NEGR1: variants seen among roughly 807,000 people sequenced by gnomAD.
NEGR1 encodes IgLON family member 4.
NEGR1 carries 10 observed loss-of-function variants against 40.9 expected under a neutral mutation model. The ratio of observed to expected loss-of-function variants is 0.24; its 90% CI spans 0.15 to 0.42. NEGR1 has a LOEUF of 0.42. Ranked by LOEUF, NEGR1 falls within the 10% of genes least tolerant of loss-of-function variation. NEGR1 has a pLI of 1.00. For synonymous variants in NEGR1, 185 were observed against 166.8 expected, an observed-to-expected ratio of 1.11 and a Z score of -0.84; for missense variants, 352 against 438.9, an observed-to-expected ratio of 0.80 and a Z score of 1.77.
At chr1:71,534,349 T>G (rs1045232598) in intron 6 of NEGR1, among the ~76,000 whole-genome samples, 5 of 151,608 alleles carry the variant, frequency 3.3e-5, no homozygotes, top group African/African-American at 1.2e-4. Flanking sequence ...AAAAGACATC[T>G]TTTGTGGGTA....
intron 2 of NEGR1, among the ~76,000 whole-genome samples, chr1:71,875,792 GC>G (rs1660410721): frequency 6.6e-6 from 1 of 152,050 alleles, no homozygotes; most frequent in South Asian, 2.1e-4. Flanking sequence ...AAATATCCAA[GC>G]TAACTAGGAT....
intron 1 of NEGR1, among the ~76,000 whole-genome samples, chr1:72,231,600 ATTAAT>A (rs1158529719): frequency 1.3e-5 from 2 of 152,160 alleles, no homozygotes; most frequent in Non-Finnish European, 2.9e-5. Flanking sequence ...TTGACATGTG[ATTAAT>A]TTATCATTAT....
chr1:72,046,869 C>G (rs944357705), intron 1 of NEGR1, among the ~76,000 whole-genome samples: 1 of 151,540 alleles, frequency 6.6e-6, no homozygotes, highest in Non-Finnish European at 1.5e-5. Flanking sequence ...AGGTCTACAA[C>G]AAGAAACAAA....
chr1:71,921,699 C>T (rs1437705263), intron 2 of NEGR1, among the ~76,000 whole-genome samples: 1 of 92,978 alleles, frequency 1.1e-5, no homozygotes, highest in Admixed American at 1.4e-4. Context: ...AGATACAGTA[C>T]AAGAATATAT....
chr1:71,870,373 T>C (rs1186029051), intron 2 of NEGR1, among the ~76,000 whole-genome samples: 2 of 152,124 alleles, frequency 1.3e-5, no homozygotes, highest in Non-Finnish European at 2.9e-5. Flanking sequence ...CATAATTACG[T>C]TAGGGTATGC....
intron 2 of NEGR1, among the ~76,000 whole-genome samples, chr1:71,932,120 A>G (rs558862977): frequency 1.3e-5 from 2 of 152,290 alleles, no homozygotes; most frequent in East Asian, 3.9e-4. Flanking sequence ...GAAAAAATAT[A>G]AAGAGAAATG....
At chr1:72,039,017 A>C (rs17580143) in intron 1 of NEGR1, among the ~76,000 whole-genome samples, 14,434 of 152,014 alleles carry the variant, frequency 0.095, 768 homozygotes, top group Middle Eastern at 0.18. Context: ...GGGCAGTAGA[A>C]GCTGACTTGG....
At chr1:71,646,925 A>T (rs1233919066) in intron 4 of NEGR1, among the ~76,000 whole-genome samples, 4 of 151,260 alleles carry the variant, frequency 2.6e-5, no homozygotes, top group African/African-American at 9.8e-5. Flanking sequence ...ATTATTATTT[A>T]AGAAACAGAC....
intron 1 of NEGR1, among the ~76,000 whole-genome samples, chr1:72,180,891 G>A (rs1237768552): frequency 6.6e-6 from 1 of 152,066 alleles, no homozygotes; most frequent in African/African-American, 2.4e-5. Flanking sequence ...CCTTGCAGCA[G>A]TTAGTTTGGG....
chr1:71,942,886 C>T (rs533702616), intron 1 of NEGR1, among the ~76,000 whole-genome samples: 2,767 of 149,682 alleles, frequency 0.018, 83 homozygotes, highest in African/African-American at 0.064. Flanking sequence ...ACTGCAGCCT[C>T]GAACTCCTGG....
At chr1:71,747,282 C>T (rs1171913203) in intron 3 of NEGR1, among the ~76,000 whole-genome samples, 1 of 152,024 alleles carries the variant, frequency 6.6e-6, no homozygotes, top group African/African-American at 2.4e-5. Flanking sequence ...GATCAGATAT[C>T]ATAGATATGC....
At chr1:71,639,921 T>C (rs1007770281) in intron 4 of NEGR1, among the ~76,000 whole-genome samples, 2 of 152,068 alleles carry the variant, frequency 1.3e-5, no homozygotes, top group Non-Finnish European at 2.9e-5. Context: ...CCTCCATTCA[T>C]TCCCAAGGAT....
At chr1:71,770,272 C>T (rs1245639671) in intron 3 of NEGR1, among the ~76,000 whole-genome samples, 1 of 152,154 alleles carries the variant, frequency 6.6e-6, no homozygotes, top group Non-Finnish European at 1.5e-5. Context: ...ATTTTTCTTA[C>T]TAGTTCTGGT....
intron 4 of NEGR1, among the ~76,000 whole-genome samples, chr1:71,683,773 AT>A (rs370689018): frequency 3.5e-5 from 5 of 144,308 alleles, no homozygotes; most frequent in African/African-American, 7.7e-5. Flanking sequence ...GTTACTTAGG[AT>A]TTTTTTTTTT....
At chr1:71,422,313 C>T (rs1646399847) in intron 6 of NEGR1, among the ~76,000 whole-genome samples, 1 of 152,158 alleles carries the variant, frequency 6.6e-6, no homozygotes, top group South Asian at 2.1e-4. Context: ...GTCTGATACA[C>T]AATGGCACTG....
intron 1 of NEGR1, among the ~76,000 whole-genome samples, chr1:72,084,893 T>C (rs1648151339): frequency 6.6e-6 from 1 of 152,174 alleles, no homozygotes; most frequent in African/African-American, 2.4e-5. Context: ...TGCAGCACAT[T>C]GGAATGATGG....
intron 6 of NEGR1, among the ~76,000 whole-genome samples, chr1:71,433,119 C>T (rs1646480489): frequency 6.6e-6 from 1 of 152,196 alleles, no homozygotes; most frequent in Admixed American, 6.5e-5. Flanking sequence ...TTTTGCCCTT[C>T]TGCCTTCTGC....
intron 1 of NEGR1, among the ~76,000 whole-genome samples, chr1:72,085,008 G>A (rs1248981551): frequency 1.3e-5 from 2 of 152,090 alleles, no homozygotes; most frequent in African/African-American, 2.4e-5. Flanking sequence ...AAATGAAAAC[G>A]TGAGACACTT....
intron 1 of NEGR1, among the ~76,000 whole-genome samples, chr1:72,227,773 G>A (rs1209070733): frequency 6.6e-6 from 1 of 152,046 alleles, no homozygotes; most frequent in Non-Finnish European, 1.5e-5. Flanking sequence ...AGCATGATTG[G>A]CAATTCATAA....
Sources: gnomAD v4.1 joint callset for allele counts (sites outside exome capture counted in the v4.1 genomes callset) on GRCh38, gnomAD v4.1.1 for gene constraint, MANE v1.5 for transcripts, NCBI Gene and HGNC (gene_info 2026-07-23, HGNC 2026-07-21) for gene names.